Variants in LRP6 observed in about 807,000 individuals in gnomAD.
LRP6 encodes LDL receptor related protein 6, also known as low-density lipoprotein receptor-related protein 6.
In LRP6, 43 loss-of-function variants were observed where a neutral mutation model predicts 184.1. The ratio of observed to expected loss-of-function variants is 0.23; its 90% CI spans 0.18 to 0.30. The LOEUF (loss-of-function observed/expected upper bound fraction) is 0.30, where lower values mean the gene tolerates loss of function less well. LRP6 is among the 10% of genes least tolerant of loss of function. The pLI is 1.00. For synonymous variants in LRP6, 719 were observed against 684.9 expected, an observed-to-expected ratio of 1.05 and a Z score of -0.78; for missense variants, 1,571 against 2,005.3, an observed-to-expected ratio of 0.78 and a Z score of 4.14.
intron 2 of LRP6, among the ~76,000 whole-genome samples, chr12:12,205,445 A>ATT (rs760143243): frequency 3.3e-5 from 5 of 152,098 alleles, no homozygotes; most frequent in Non-Finnish European, 7.4e-5. Context: ...TTACTCAAAT[A>ATT]ATCGGTGGAA....
chr12:12,192,091 G>C (rs368865749), intron 3 of LRP6, among the ~76,000 whole-genome samples: 1 of 152,054 alleles, frequency 6.6e-6, no homozygotes, highest in East Asian at 1.9e-4. Context: ...AAAGCAATAA[G>C]TATAACCCTG....
At chr12:12,190,397 CCACAGAAAAGAAACAG>C (rs1863582331) in intron 3 of LRP6, among the ~76,000 whole-genome samples, 1 of 152,156 alleles carries the variant, frequency 6.6e-6, no homozygotes, top group Non-Finnish European at 1.5e-5. Flanking sequence ...AAACTGGGGA[CCACAGAAAAGAAACAG>C]AGACTCCCCC....
intron 7 of LRP6, among the ~76,000 whole-genome samples, chr12:12,172,251 T>C (rs1041385686): frequency 3.3e-5 from 5 of 152,336 alleles, no homozygotes; most frequent in Admixed American, 3.3e-4. Flanking sequence ...TTTAACATTC[T>C]GAAATATTCT....
intron 2 of LRP6, among the ~76,000 whole-genome samples, chr12:12,210,702 C>T (rs1864186765): frequency 6.6e-6 from 1 of 152,194 alleles, no homozygotes; most frequent in Admixed American, 6.5e-5. Context: ...TCCTCAAAAA[C>T]ATTTTGTTGC....
intron 12 of LRP6, among the ~76,000 whole-genome samples, chr12:12,157,787 T>C (rs1862635269): frequency 6.6e-6 from 1 of 152,240 alleles, no homozygotes; most frequent in South Asian, 2.1e-4. Context: ...CTACTCTTTC[T>C]GATTTAATCT....
chr12:12,228,732 G>T (rs1864696768), intron 2 of LRP6, among the ~76,000 whole-genome samples: 1 of 152,240 alleles, frequency 6.6e-6, no homozygotes, highest in African/African-American at 2.4e-5. Flanking sequence ...TCTAATGCCT[G>T]ATCTGAGGTG....
chr12:12,135,476 TATC>T (rs1565542739), intron 16 of LRP6, among the ~76,000 whole-genome samples, 176 bp from the exon 17 acceptor site: 5 of 101,970 alleles, frequency 4.9e-5, no homozygotes, highest in African/African-American at 1.8e-4. Flanking sequence ...TTTTTACTTT[TATC>T]ATTATTATTA....
chr12:12,251,969 C>T (rs12317629), intron 1 of LRP6, among the ~76,000 whole-genome samples: 28,801 of 151,904 alleles, frequency 0.19, 3,306 homozygotes, highest in African/African-American at 0.32. Context: ...TCATAGCTCA[C>T]TGCAGCTTCA....
chr12:12,242,523 A>G (rs1865093059), intron 2 of LRP6, among the ~76,000 whole-genome samples: 1 of 152,198 alleles, frequency 6.6e-6, no homozygotes. Flanking sequence ...CAAAGCAGTA[A>G]CCTCAGAAAC....
At chr12:12,180,240 CTTT>C (rs35341305) in intron 6 of LRP6, among the ~76,000 whole-genome samples, 3 of 126,102 alleles carry the variant, frequency 2.4e-5, no homozygotes, top group South Asian at 5.0e-4. Flanking sequence ...AGTTTTACTT[CTTT>C]TTTTTTTTTT....
Position 12,237,951 on chromosome 12 carries a change from T to C in LRP6, c.449+6311A>G, listed in dbSNP as rs117681935. Reference sequence around the variant, plus strand: ...TTAATTCCTGGTTAGATAACTGTTCTATGGTTATACAAAATGTCAATATTT... The same window carrying C: ...TTAATTCCTGGTTAGATAACTGTTCCATGGTTATACAAAATGTCAATATTT... On this transcript the variant is annotated intron_variant, in intron 2 of 22. Transcript: ENST00000261349. Among the ~76,000 whole-genome samples, 14 of 152,340 alleles carry C rather than the reference T, an allele frequency of 9.2e-5. No homozygotes were observed. The East Asian group carries it at 2.7e-3, about 29-fold the overall frequency.
chr12:12,222,257 A>T (rs1002485333), intron 2 of LRP6, among the ~76,000 whole-genome samples: 12 of 152,128 alleles, frequency 7.9e-5, no homozygotes, highest in African/African-American at 2.9e-4. Context: ...TTATAGCGAT[A>T]ATCCTCTATA....
At chr12:12,174,076 G>C (rs1433241426) in intron 7 of LRP6, among the ~76,000 whole-genome samples, 4 of 151,918 alleles carry the variant, frequency 2.6e-5, no homozygotes, top group African/African-American at 9.7e-5. Flanking sequence ...ATTTAAATTA[G>C]TTATTTTGAA....
In LRP6 at chr12:12,119,426, A is replaced by T. The variant is rs143312238; in HGVS notation, c.*1700T>A. Reference sequence around the variant, plus strand: ...AAAATACATTAGTTTAAAACCATTCAATTTTAGCAGAGAAGTGCTACACAT... The same window carrying T: ...AAAATACATTAGTTTAAAACCATTCTATTTTAGCAGAGAAGTGCTACACAT... On this transcript the variant is annotated 3_prime_UTR_variant, in exon 23 of 23. Transcript: ENST00000261349. 6.6e-6 allele frequency: 1 copy of T among 152,298 alleles called. No homozygotes were observed. Among genetic ancestry groups the T allele is most frequent in the African/African-American group, 2.4e-5 (1 of 41,562 alleles). The allele number at this position is 152,298 out of a possible 1,614,324, so 9.4% of individuals were successfully genotyped here.
At chr12:12,123,319 G>A (rs1262312408) in intron 22 of LRP6, among the ~76,000 whole-genome samples, 1 of 152,084 alleles carries the variant, frequency 6.6e-6, no homozygotes, top group African/African-American at 2.4e-5. Context: ...TGGCTTCCTA[G>A]AAGAAGAAAC....
At chr12:12,163,905 G>C (rs558311606) in intron 9 of LRP6, among the ~76,000 whole-genome samples, 1 of 152,276 alleles carries the variant, frequency 6.6e-6, no homozygotes, top group South Asian at 2.1e-4. Flanking sequence ...AGGACGAAGC[G>C]GGCGGATCAC....
chr12:12,133,369 A>G (rs971349755), intron 17 of LRP6, among the ~76,000 whole-genome samples: 1 of 152,124 alleles, frequency 6.6e-6, no homozygotes, highest in African/African-American at 2.4e-5. Flanking sequence ...TCCTCCTGAT[A>G]GTAAATGAAT....
At chr12:12,141,283 G>A (rs1949931540) in intron 15 of LRP6, among the ~76,000 whole-genome samples, 2 of 152,030 alleles carry the variant, frequency 1.3e-5, no homozygotes, top group African/African-American at 2.4e-5. Flanking sequence ...ACATTGAGGG[G>A]AAAGAACATG....
chr12:12,128,580 T>C (rs1949705270), intron 19 of LRP6, among the ~76,000 whole-genome samples: 1 of 152,198 alleles, frequency 6.6e-6, no homozygotes, highest in Non-Finnish European at 1.5e-5. Context: ...ACTGTCACCA[T>C]GATCAGTCAT....
Sources: gnomAD v4.1 joint callset for allele counts (sites outside exome capture counted in the v4.1 genomes callset) on GRCh38, gnomAD v4.1.1 for gene constraint, MANE v1.5 for transcripts, NCBI Gene and HGNC (gene_info 2026-07-23, HGNC 2026-07-21) for gene names.